The following PCDHGA3 variants were observed in gnomAD, a reference collection of about 807,000 sequenced individuals.
PCDHGA3 encodes protocadherin gamma subfamily A, 3.
PCDHGA3 carries 40 observed loss-of-function variants against 58.5 expected under a neutral mutation model. The ratio of observed to expected loss-of-function variants is 0.68; its 90% CI spans 0.53 to 0.89. PCDHGA3 has a LOEUF of 0.89. PCDHGA3 is among the 40% of genes least tolerant of loss of function. The pLI, the probability that PCDHGA3 is intolerant of heterozygous loss-of-function variation, is 0.00. For missense variants in PCDHGA3, 1,223 were observed against 1,195.9 expected, an observed-to-expected ratio of 1.02 and a Z score of -0.33; for synonymous variants, 530 against 525.7, an observed-to-expected ratio of 1.01 and a Z score of -0.11.
rs752708726 is a variant in PCDHGA3 at position 141,413,991 on chromosome 5, C to T, written c.2424+67534C>T. 1.9e-6 allele frequency: 3 copies of T among 1,613,494 alleles called. No homozygotes were observed. The East Asian group carries it at 6.7e-5, about 36-fold the overall frequency. ...AGCTGCTGACAGTCACAGCCACCGA[C>T]AGGGACGAAGGTGCCAATGGAGAAG... On this transcript the variant is annotated intron_variant, in intron 1 of 3. Coordinates refer to ENST00000253812, the MANE Select transcript of PCDHGA3 (RefSeq NM_018916.4).
At chr5:141,420,494 C>T (rs978136090) in intron 1 of PCDHGA3, 6 of 499,392 alleles carry the variant, frequency 1.2e-5, no homozygotes, top group African/African-American at 2.0e-5. Flanking sequence ...GGGTAATCTC[C>T]GGTGACATTT....
rs2098995125 is a variant in PCDHGA3 at position 141,460,673 on chromosome 5, A to G, written c.2425-34134A>G. 2.6e-5 allele frequency among the ~76,000 whole-genome samples: 4 copies of G among 152,244 alleles called. No homozygotes were observed. The South Asian group carries it at 8.3e-4, about 32-fold the overall frequency. On this transcript the variant is annotated intron_variant, in intron 1 of 3. Coordinates refer to ENST00000253812, the MANE Select transcript of PCDHGA3 (RefSeq NM_018916.4). ...CATATGTAACTGTAAACACAGTTAT[A>G]TATCTATATATCCACCAACAGTTGA... is the stretch of plus-strand genomic sequence containing the variant.
intron 1 of PCDHGA3, chr5:141,430,604 A>C (rs1288378907): frequency 7.8e-6 from 5 of 641,158 alleles, no homozygotes; most frequent in Non-Finnish European, 1.2e-5. Context: ...CGCCTGAAGC[A>C]CAAAGCAGAT....
In PCDHGA3 at chr5:141,432,293, G is replaced by T. The variant is rs765631138; in HGVS notation, c.2425-62514G>T. ...CTACGTGTCCATCAACTCCGACACT[G>T]GGGTACTGTATGCGCTGAGCTCCTT... On this transcript the variant is annotated intron_variant, in intron 1 of 3. Coordinates refer to ENST00000253812, the MANE Select transcript of PCDHGA3 (RefSeq NM_018916.4). The surrounding 1 kb of genome is among the most constrained non-coding windows in gnomAD (Gnocchi z 6.0). 1.2e-6 allele frequency: 2 copies of T among 1,614,136 alleles called. No individual in the cohort carries two copies. Among genetic ancestry groups the T allele is most frequent in the African/African-American group, 1.3e-5 (1 of 74,950 alleles).
chr5:141,350,095 G>A, intron 1 of PCDHGA3: 1 of 464,990 alleles, frequency 2.2e-6, no homozygotes, highest in Non-Finnish European at 3.6e-6. Context: ...GCGTCAGGCA[G>A]GGTGCCTTCC....
chr5:141,366,106 A>T, intron 1 of PCDHGA3: 1 of 1,614,224 alleles, frequency 6.2e-7, no homozygotes, highest in Non-Finnish European at 8.5e-7. Context: ...CCAAGGTGGT[A>T]GCGGTGGACA....
rs2099883782 is a variant in PCDHGA3 at position 141,511,420 on chromosome 5, G to C, written c.*247G>C. The C allele has an allele frequency of 1.2e-6, 1 of 830,744 alleles. No homozygotes were observed. The allele number at this position is 830,744 out of a possible 1,614,324, so 51.5% of individuals were successfully genotyped here. On this transcript the variant is annotated 3_prime_UTR_variant, in exon 4 of 4. Transcript: ENST00000253812. ...TCCAATCAACTGCTGTACCCATGGG[G>C]GTAGTGGGGTTACTGTAGACACCAA...
chr5:141,390,185 T>C, intron 1 of PCDHGA3: 1 of 1,614,042 alleles, frequency 6.2e-7, no homozygotes, highest in Non-Finnish European at 8.5e-7. Context: ...TCCTAAAATG[T>C]AGTGAGCAGT....
At chr5:141,417,795 T>C in intron 1 of PCDHGA3, 1 of 1,483,780 alleles carries the variant, frequency 6.7e-7, no homozygotes, top group Non-Finnish European at 9.0e-7. Context: ...AATGCTCTTT[T>C]AGCGCGGTAG....
At chr5:141,357,136 G>C (rs779756612) in intron 1 of PCDHGA3, 1 of 1,613,540 alleles carries the variant, frequency 6.2e-7, no homozygotes, top group South Asian at 1.1e-5. Flanking sequence ...TGTAGTGGTC[G>C]TCCAGGACCA....
chr5:141,436,240 G>T (rs192988618), intron 1 of PCDHGA3, among the ~76,000 whole-genome samples: 1 of 152,082 alleles, frequency 6.6e-6, no homozygotes. Context: ...AGCTAACATG[G>T]TCTAATTATT....
rs554037493 is a variant in PCDHGA3, at chr5:141,364,941, AAG to A, written c.2424+18488_2424+18489del. On this transcript the variant is annotated intron_variant, in intron 1 of 3. Coordinates refer to ENST00000253812, the MANE Select transcript of PCDHGA3 (RefSeq NM_018916.4). ...TTGGAACAGCCCCTAGACCGCGAGA[AAG>A]AGACTGTTCACGACCTCCTCCTCAC... is the stretch of plus-strand genomic sequence containing the variant. 73 of 1,613,952 alleles carry A rather than the reference AAG, an allele frequency of 4.5e-5. No homozygotes were observed. The East Asian group carries it at 1.6e-3, about 35-fold the overall frequency.
At chr5:141,395,194 C>G in intron 1 of PCDHGA3, 1 of 1,613,922 alleles carries the variant, frequency 6.2e-7, no homozygotes, top group Non-Finnish European at 8.5e-7. Flanking sequence ...TTGTTAACAT[C>G]CGTAGATTTT....
chr5:141,366,403 C>CT (rs1296449913), intron 1 of PCDHGA3: 9 of 1,614,094 alleles, frequency 5.6e-6, no homozygotes, highest in African/African-American at 1.3e-5. Context: ...ACCTCACACT[C>CT]TATCTTGTGG....
chr5:141,466,099 G>A (rs879849411), intron 1 of PCDHGA3, among the ~76,000 whole-genome samples: 2 of 151,938 alleles, frequency 1.3e-5, no homozygotes, highest in Non-Finnish European at 2.9e-5. Context: ...TCCAGCCTGG[G>A]CAACAGAGTG....
intron 1 of PCDHGA3, among the ~76,000 whole-genome samples, chr5:141,461,376 T>C (rs2099014225): frequency 6.6e-6 from 1 of 152,184 alleles, no homozygotes; most frequent in South Asian, 2.1e-4. Context: ...AATTTGCATT[T>C]TCCTGATGAT....
At position 141,413,564 on chromosome 5, in the gene PCDHGA3, T is replaced by C. The variant is rs762044373; in HGVS notation, c.2424+67107T>C. 9 of 1,613,760 alleles carry C rather than the reference T, an allele frequency of 5.6e-6. No homozygotes were observed. The Admixed American group carries it at 1.2e-4, about 21-fold the overall frequency. ...GGGATAGAAATAGAAGTAACTGATA[T>C]CAATGACAATGCTCCAAAATTCCAA... On this transcript the variant is annotated intron_variant, in intron 1 of 3. Coordinates refer to ENST00000253812, the MANE Select transcript of PCDHGA3 (RefSeq NM_018916.4).
chr5:141,420,179 T>C (rs1420076172), intron 1 of PCDHGA3: 16 of 1,614,054 alleles, frequency 9.9e-6, no homozygotes, highest in Non-Finnish European at 1.2e-5. Flanking sequence ...TGTTGATCAT[T>C]GTCCAGCCAC....
intron 1 of PCDHGA3, among the ~76,000 whole-genome samples, chr5:141,468,165 A>T (rs1249592462): frequency 1.3e-5 from 2 of 151,940 alleles, no homozygotes; most frequent in Non-Finnish European, 2.9e-5. Flanking sequence ...TCTCTGCTAA[A>T]AATAGAAAAA....
Sources: gnomAD v4.1 joint callset for allele counts (sites outside exome capture counted in the v4.1 genomes callset) on GRCh38, gnomAD v4.1.1 for gene constraint, Gnocchi (gnomAD v3.1) non-coding constraint, MANE v1.5 for transcripts, NCBI Gene and HGNC (gene_info 2026-07-23, HGNC 2026-07-21) for gene names.